The following CEP128 variants were observed in gnomAD, a reference collection of about 807,000 sequenced individuals.
The protein encoded by CEP128 is centrosomal protein 128kDa.
A neutral mutation model predicts 156.7 loss-of-function variants in CEP128; 132 were observed. The observed-to-expected ratio is 0.84, with a 90% CI of 0.73 to 0.97. CEP128 has a LOEUF of 0.97. CEP128 is among the 50% of genes least tolerant of loss of function. The pLI is 0.00. For synonymous variants in CEP128, 469 were observed against 448.9 expected (o/e 1.04, Z -0.57); for missense variants, 1,252 against 1,281.9 (o/e 0.98, Z 0.36).
At chr14:80,709,080 T>A (rs1897314779) in intron 19 of CEP128, among the ~76,000 whole-genome samples, 1 of 151,022 alleles carries the variant, frequency 6.6e-6, no homozygotes, top group Admixed American at 6.6e-5. Context: ...AATAAAAATA[T>A]AAATAAATAA....
At chr14:80,595,213 A>T (rs1892261441) in intron 19 of CEP128, among the ~76,000 whole-genome samples, 1 of 152,194 alleles carries the variant, frequency 6.6e-6, no homozygotes, top group African/African-American at 2.4e-5. Flanking sequence ...CAGCAAACTA[A>T]CACAGGAATG....
At chr14:80,682,842 T>A (rs1220446051) in intron 19 of CEP128, among the ~76,000 whole-genome samples, 1 of 152,188 alleles carries the variant, frequency 6.6e-6, no homozygotes, top group Non-Finnish European at 1.5e-5. Context: ...TCTGCCAAAC[T>A]AAGTTTCATA....
intron 16 of CEP128, among the ~76,000 whole-genome samples, chr14:80,774,437 C>A (rs1272125622): frequency 6.6e-6 from 1 of 152,142 alleles, no homozygotes; most frequent in East Asian, 1.9e-4. Context: ...CCCATAAGGC[C>A]TCATTTATCA....
intron 9 of CEP128, among the ~76,000 whole-genome samples, chr14:80,845,158 G>A (rs1388265415): frequency 6.6e-6 from 1 of 152,134 alleles, no homozygotes; most frequent in African/African-American, 2.4e-5. Flanking sequence ...TTCTTCAAAT[G>A]TTATAAATTT....
intron 13 of CEP128, among the ~76,000 whole-genome samples, chr14:80,804,602 G>C (rs1279569457): frequency 6.6e-6 from 1 of 151,904 alleles, no homozygotes; most frequent in Non-Finnish European, 1.5e-5. Flanking sequence ...ATCTAAATGG[G>C]ATACAAATAC....
intron 19 of CEP128, among the ~76,000 whole-genome samples, chr14:80,689,408 A>G (rs1224497807): frequency 6.6e-6 from 1 of 152,114 alleles, no homozygotes; most frequent in Non-Finnish European, 1.5e-5. Flanking sequence ...GTTAGAAGGA[A>G]TTGAGAACGT....
intron 21 of CEP128, among the ~76,000 whole-genome samples, chr14:80,558,778 GA>G (rs1170902496): frequency 6.6e-6 from 1 of 152,164 alleles, no homozygotes; most frequent in African/African-American, 2.4e-5. Flanking sequence ...CTATGAACTT[GA>G]AAAATTATTT....
At chr14:80,729,052 GGTGGGGGTGTGTGT>G (rs1566880824) in intron 19 of CEP128, among the ~76,000 whole-genome samples, 5 of 94,688 alleles carry the variant, frequency 5.3e-5, no homozygotes, top group African/African-American at 1.7e-4. Flanking sequence ...AGGCTGGGCT[GGTGGGGGTGTGTGT>G]GTGTGTGTGT....
At chr14:80,822,458 C>A in intron 13 of CEP128, 1 of 534,818 alleles carries the variant, frequency 1.9e-6, no homozygotes, top group Non-Finnish European at 3.6e-6. Flanking sequence ...CGAGAACGAA[C>A]CCCTAACCAA....
intron 19 of CEP128, among the ~76,000 whole-genome samples, chr14:80,678,545 G>A (rs368569072): frequency 1.1e-4 from 16 of 152,234 alleles, no homozygotes; most frequent in South Asian, 6.2e-4. Flanking sequence ...ATGGGAATCC[G>A]CTGGAATCCT....
chr14:80,666,333 T>C (rs919081798), intron 19 of CEP128, among the ~76,000 whole-genome samples: 32 of 152,348 alleles, frequency 2.1e-4, no homozygotes, highest in South Asian at 1.2e-3. Context: ...CTTGTGCGAA[T>C]TGGAGTTCTA....
At chr14:80,716,322 C>T (rs117357401) in intron 19 of CEP128, among the ~76,000 whole-genome samples, 1,719 of 152,254 alleles carry the variant, frequency 0.011, 15 homozygotes, top group Non-Finnish European at 0.015. Flanking sequence ...AATTTTAAAA[C>T]ATGTTGTTAC....
chr14:80,673,763 T>A (rs558947244), intron 19 of CEP128, among the ~76,000 whole-genome samples: 1 of 151,376 alleles, frequency 6.6e-6, no homozygotes, highest in African/African-American at 2.4e-5. Context: ...GAAGGAGATA[T>A]GAACGCCTTT....
At chr14:80,652,678 G>C (rs1393853578) in intron 19 of CEP128, among the ~76,000 whole-genome samples, 1 of 152,150 alleles carries the variant, frequency 6.6e-6, no homozygotes, top group Non-Finnish European at 1.5e-5. Flanking sequence ...TCATTAAAAA[G>C]TCAGGAAACA....
At chr14:80,795,481 T>C (rs1566631612) in intron 13 of CEP128, among the ~76,000 whole-genome samples, 1 of 152,200 alleles carries the variant, frequency 6.6e-6, no homozygotes, top group Non-Finnish European at 1.5e-5. Flanking sequence ...CTTTAAACTG[T>C]TCATTCACTG....
intron 21 of CEP128, among the ~76,000 whole-genome samples, chr14:80,535,622 C>T (rs1272655537): frequency 6.6e-6 from 1 of 150,894 alleles, no homozygotes; most frequent in Non-Finnish European, 1.5e-5. Context: ...CACTCACACA[C>T]ACACACACAC....
chr14:80,521,382 T>C (rs112049933), intron 23 of CEP128, among the ~76,000 whole-genome samples: 1 of 152,148 alleles, frequency 6.6e-6, no homozygotes. Flanking sequence ...TTGGGTTTGA[T>C]AAAGTGCAGC....
intron 16 of CEP128, among the ~76,000 whole-genome samples, chr14:80,767,185 T>C (rs1900280878): frequency 6.6e-6 from 1 of 152,018 alleles, no homozygotes; most frequent in African/African-American, 2.4e-5. Flanking sequence ...GGGCAGAAAC[T>C]ACAAGGGCAA....
In CEP128 at chr14:80,755,710, C is replaced by G. The variant is rs146611915; in HGVS notation, c.2613+1182G>C. On this transcript the variant is annotated intron_variant, in intron 18 of 24. Transcript: ENST00000555265. Reference sequence around the variant, plus strand: ...CTGATTTCAGATCTTATCTTCAATACTTATAGAGCTGTCCAGTCATAGTTC... The same window carrying G: ...CTGATTTCAGATCTTATCTTCAATAGTTATAGAGCTGTCCAGTCATAGTTC... 5.4e-3 allele frequency among the ~76,000 whole-genome samples: 818 copies of G among 152,294 alleles called. 9 individuals carry two copies. The highest frequency in any genetic ancestry group is 0.019 in the African/African-American group (782 of 41,554).
Sources: allele counts gnomAD v4.1 joint callset (sites outside exome capture counted in the v4.1 genomes callset), GRCh38; gene constraint gnomAD v4.1.1; transcripts MANE v1.5; gene names NCBI Gene and HGNC (gene_info 2026-07-23, HGNC 2026-07-21).